Variants in UMAD1 observed in about 807,000 individuals in gnomAD.
UMAD1 encodes the protein UBAP1-MVB12-associated (UMA)-domain containing protein 1.
In UMAD1, 8 loss-of-function variants were observed where a neutral mutation model predicts 6.1. The observed-to-expected ratio is 1.30, with a 90% confidence interval of 0.76 to 2.35. The LOEUF is 2.35. UMAD1 is among the 30% of genes most tolerant of loss of function. The probability of loss-of-function intolerance (pLI) is 0.00; values close to 1 mark genes in which losing one functional copy is unlikely to be tolerated. For missense variants in UMAD1, 130 were observed against 78.4 expected (o/e 1.66, Z -2.49); for synonymous variants, 56 against 31.4 (o/e 1.78, Z -2.61).
intron 3 of UMAD1, among the ~76,000 whole-genome samples, chr7:7,850,912 T>G (rs1783903387): frequency 6.6e-6 from 1 of 152,134 alleles, no homozygotes; most frequent in Non-Finnish European, 1.5e-5. Flanking sequence ...TGCAATAAAT[T>G]TTAAAATGAA....
chr7:7,722,542 G>A (rs952008424), intron 2 of UMAD1, among the ~76,000 whole-genome samples: 3 of 152,190 alleles, frequency 2.0e-5, no homozygotes, highest in African/African-American at 7.2e-5. Context: ...ACTAAGGAAT[G>A]TAATGAAGTT....
intron 3 of UMAD1, among the ~76,000 whole-genome samples, chr7:7,810,311 G>C (rs527830278): frequency 1.9e-3 from 291 of 152,110 alleles, no homozygotes; most frequent in Non-Finnish European, 3.3e-3. Flanking sequence ...GGTATTAAGA[G>C]CCATAAAGAT....
chr7:7,785,248 A>G (rs1171975563), intron 2 of UMAD1, among the ~76,000 whole-genome samples: 10 of 152,200 alleles, frequency 6.6e-5, no homozygotes, highest in Non-Finnish European at 1.3e-4. Context: ...GACTTTTAAG[A>G]AGTCAATCAT....
intron 2 of UMAD1, among the ~76,000 whole-genome samples, chr7:7,676,763 A>G (rs1268346852): frequency 6.6e-6 from 1 of 152,186 alleles, no homozygotes; most frequent in Non-Finnish European, 1.5e-5. Context: ...AAGTTGGTAT[A>G]TATGGTTTAA....
At chr7:7,697,385 A>T (rs1780346950) in intron 2 of UMAD1, among the ~76,000 whole-genome samples, 5 of 152,246 alleles carry the variant, frequency 3.3e-5, no homozygotes. Context: ...AACACCTATG[A>T]AACAGATAAA....
chr7:7,860,141 G>C (rs1206373217), intron 3 of UMAD1, among the ~76,000 whole-genome samples: 1 of 151,972 alleles, frequency 6.6e-6, no homozygotes, highest in Non-Finnish European at 1.5e-5. Context: ...TGTGTGAAAG[G>C]TCTTAGGGAT....
chr7:7,726,421 A>C (rs1781138600), intron 2 of UMAD1, among the ~76,000 whole-genome samples: 1 of 152,244 alleles, frequency 6.6e-6, no homozygotes, highest in Admixed American at 6.5e-5. Flanking sequence ...GGATTGATAG[A>C]ATAATGGAAT....
chr7:7,870,763 A>C (rs529737286), intron 3 of UMAD1, among the ~76,000 whole-genome samples: 1 of 152,140 alleles, frequency 6.6e-6, no homozygotes, highest in South Asian at 2.1e-4. Context: ...CAGCTGCATC[A>C]TGGCACTCAC....
intron 2 of UMAD1, among the ~76,000 whole-genome samples, chr7:7,680,214 T>C (rs1779874401): frequency 6.6e-6 from 1 of 152,176 alleles, no homozygotes; most frequent in Non-Finnish European, 1.5e-5. Context: ...GATTTGATTT[T>C]TGTATGTGGC....
chr7:7,657,934 C>G (rs932441377), intron 1 of UMAD1, among the ~76,000 whole-genome samples: 3 of 152,164 alleles, frequency 2.0e-5, no homozygotes, highest in African/African-American at 4.8e-5. Flanking sequence ...TTGATTCTTC[C>G]TATCCATGAG....
intron 2 of UMAD1, among the ~76,000 whole-genome samples, chr7:7,745,395 C>G (rs991664511): frequency 6.6e-6 from 1 of 152,170 alleles, no homozygotes; most frequent in East Asian, 1.9e-4. Flanking sequence ...TTTTGGGAAA[C>G]TCTGAACTCC....
chr7:7,873,518 T>C (rs558312816), intron 3 of UMAD1, among the ~76,000 whole-genome samples: 1 of 152,376 alleles, frequency 6.6e-6, no homozygotes, highest in African/African-American at 2.4e-5. Flanking sequence ...TGTACATCTT[T>C]ATAACAAGCT....
intron 3 of UMAD1, among the ~76,000 whole-genome samples, chr7:7,834,125 G>A (rs750485337): frequency 2.0e-5 from 3 of 147,268 alleles, no homozygotes; most frequent in Non-Finnish European, 4.5e-5. Context: ...GGGGTCAAGT[G>A]ATTCTCCTGC....
chr7:7,688,615 A>G (rs2115133552), intron 2 of UMAD1, among the ~76,000 whole-genome samples: 1 of 152,216 alleles, frequency 6.6e-6, no homozygotes, highest in East Asian at 1.9e-4. Context: ...TTTTGATCTC[A>G]TGTTGTAAAT....
At chr7:7,774,212 GT>G (rs1782156725) in intron 2 of UMAD1, among the ~76,000 whole-genome samples, 1 of 152,196 alleles carries the variant, frequency 6.6e-6, no homozygotes, top group South Asian at 2.1e-4. Context: ...GAGCAATGTT[GT>G]TTAGGAAAGA....
intron 2 of UMAD1, among the ~76,000 whole-genome samples, chr7:7,690,786 C>T (rs1780155664): frequency 6.6e-6 from 1 of 152,034 alleles, no homozygotes; most frequent in South Asian, 2.1e-4. Context: ...AAAGCATTCC[C>T]TTCACATATA....
rs1563112460 is a variant in UMAD1, at chr7:7,677,672, T to TG, written c.82+4219_82+4220insG. On this transcript the variant is annotated intron_variant, in intron 2 of 3. Transcript: ENST00000682710. ...TATTCATCTGTTTTTTTGTTTTTTT[T>TG]TTTTTTTTTTTTTTTTTTTGAGACG... Among the ~76,000 whole-genome samples the TG allele has an allele frequency of 4.3e-4, 43 of 101,090 alleles. 9 individuals carry two copies. Among genetic ancestry groups the TG allele is most frequent in the African/African-American group, 4.3e-4 (13 of 30,104 alleles). 66.3% of individuals were successfully genotyped at this position (101,090 alleles called of 152,430 possible). A position where few individuals can be genotyped will look rare whatever the true frequency, so the allele number is the denominator to read the frequency against.
At chr7:7,859,668 C>A (rs1784079249) in intron 3 of UMAD1, among the ~76,000 whole-genome samples, 1 of 152,152 alleles carries the variant, frequency 6.6e-6, no homozygotes, top group Non-Finnish European at 1.5e-5. Context: ...AGGCAGGGGT[C>A]ATTGAGACTT....
rs549835157 is a variant in UMAD1, at chr7:7,665,086, C to G, written c.-63-8223C>G. ...ATAGACAGTAGCTGCATCAATCACA[C>G]AGGAATTTTAGTCTATTTGATATAT... On this transcript the variant is annotated intron_variant, in intron 1 of 3. Transcript: ENST00000682710. Among the ~76,000 whole-genome samples the G allele has an allele frequency of 2.6e-5, 4 of 152,292 alleles. No individual in the cohort carries two copies. The East Asian group carries it at 7.7e-4, about 29-fold the overall frequency.
Sources: gnomAD v4.1 joint callset for allele counts (sites outside exome capture counted in the v4.1 genomes callset) on GRCh38, gnomAD v4.1.1 for gene constraint, MANE v1.5 for transcripts, NCBI Gene and HGNC (gene_info 2026-07-23, HGNC 2026-07-21) for gene names.